DGKE: variants seen among roughly 807,000 people sequenced by gnomAD.
DGKE encodes the protein diacylglycerol kinase epsilon.
A neutral mutation model predicts 70.0 loss-of-function variants in DGKE; 53 were observed. The observed-to-expected ratio is 0.76, with a 90% CI of 0.61 to 0.95. The LOEUF is 0.95. Among genes scored for constraint, DGKE ranks in the 40% least tolerant of loss-of-function variants. The probability of loss-of-function intolerance (pLI) is 0.00; values close to 1 mark genes in which losing one functional copy is unlikely to be tolerated. For missense variants in DGKE, 655 were observed against 706.9 expected, an observed-to-expected ratio of 0.93 and a Z score of 0.83; for synonymous variants, 291 against 257.0, an observed-to-expected ratio of 1.13 and a Z score of -1.27.
chr17:56,848,003 G>T lies in DGKE; in HGVS notation c.826G>T (p.Val276Phe), dbSNP rs1312495887. ...CCCATATTATTCAGCTCGAGTACTT[G>T]TTTGTGGAGGGGATGGGACTGTAGG... ...LLPYYSARVL[V>F]CGGDGTVGWV... Residue 276 changes from valine to phenylalanine, a missense_variant, in exon 5 of 12, where the codon GTT becomes TTT. Val to Phe is a conservative substitution (Grantham distance 50). Coordinates refer to ENST00000284061, the MANE Select transcript of DGKE (RefSeq NM_003647.3). 1 of 1,610,006 alleles carries T rather than the reference G, an allele frequency of 6.2e-7. No individual in the cohort carries two copies. Among genetic ancestry groups the T allele is most frequent in the Admixed American group, 1.7e-5 (1 of 59,738 alleles).
At chr17:56,862,441 C>A in intron 11 of DGKE, 171 bp from the exon 12 acceptor site, 8 of 862,328 alleles carry the variant, frequency 9.3e-6, no homozygotes, top group Non-Finnish European at 1.2e-5. Flanking sequence ...TGAGATAAAA[C>A]GTTCACTTGA....
Position 56,869,050 on chromosome 17 carries a change from G to A in DGKE, c.*6259G>A, listed in dbSNP as rs975389264. On this transcript the variant is annotated 3_prime_UTR_variant, in exon 12 of 12. Transcript: ENST00000284061. ...CCTCTACTACTGTAACTTAACACTTGTTCTTCCTGAGCCTCAAATTTTCTT... is the reference window on the plus strand; with the variant it reads ...CCTCTACTACTGTAACTTAACACTTATTCTTCCTGAGCCTCAAATTTTCTT... 6.6e-6 allele frequency: 1 copy of A among 152,188 alleles called. No homozygotes were observed. Among genetic ancestry groups the A allele is most frequent in the Non-Finnish European group, 1.5e-5 (1 of 68,024 alleles). The allele number at this position is 152,188 out of a possible 1,614,324, so 9.4% of individuals were successfully genotyped here.
rs913423160 is a variant in DGKE, at chr17:56,868,480, T to A, written c.*5689T>A. 6.6e-6 allele frequency: 1 copy of A among 152,280 alleles called. No homozygotes were observed. The highest frequency in any genetic ancestry group is 1.5e-5 in the Non-Finnish European group (1 of 68,068). 9.4% of individuals were successfully genotyped at this position (152,280 alleles called of 1,614,324 possible). A position where few individuals can be genotyped will look rare whatever the true frequency, so the allele number is the denominator to read the frequency against. On this transcript the variant is annotated 3_prime_UTR_variant, in exon 12 of 12. Coordinates refer to ENST00000284061, the MANE Select transcript of DGKE (RefSeq NM_003647.3). ...TTGAGGACACATGTGATGACTCCACTTGCTCAGCCAGCTGGCCTCTTGCAC... is the reference window on the plus strand; with the variant it reads ...TTGAGGACACATGTGATGACTCCACATGCTCAGCCAGCTGGCCTCTTGCAC...
intron 7 of DGKE, among the ~76,000 whole-genome samples, chr17:56,852,392 G>A (rs566454538): frequency 2.1e-5 from 3 of 142,360 alleles, no homozygotes; most frequent in Admixed American, 7.4e-5. Flanking sequence ...TACCCTGGGC[G>A]ACAGAGCAAG....
Position 56,848,725 on chromosome 17 carries a change from A to G in DGKE, c.918A>G (p.Ala306=), listed in dbSNP as rs1259237321. 28 of 1,614,058 alleles carry G rather than the reference A, an allele frequency of 1.7e-5. No homozygotes were observed. Among genetic ancestry groups the G allele is most frequent in the African/African-American group, 2.7e-5 (2 of 74,938 alleles). The change falls in exon 6 of 12, where the codon GCA becomes GCG. Residue 306 remains alanine, a synonymous_variant. Coordinates refer to ENST00000284061, the MANE Select transcript of DGKE (RefSeq NM_003647.3). ...AAGAAAAGTACATTCCACAAGTTGCAGTTTTGCCTCTGGGAACAGGCAACG... is the reference window on the plus strand; with the variant it reads ...AAGAAAAGTACATTCCACAAGTTGCGGTTTTGCCTCTGGGAACAGGCAACG... The part of the protein sequence containing the change: ...KGQEKYIPQV[A]VLPLGTGNDL...
At chr17:56,853,172 C>T (rs1298269016) in intron 7 of DGKE, among the ~76,000 whole-genome samples, 2 of 152,100 alleles carry the variant, frequency 1.3e-5, no homozygotes, top group Non-Finnish European at 2.9e-5. Flanking sequence ...ACTTCAGTTC[C>T]TTCTACATTT....
At chr17:56,852,344 C>A (rs997721414) in intron 7 of DGKE, among the ~76,000 whole-genome samples, 7 of 150,582 alleles carry the variant, frequency 4.6e-5, no homozygotes, top group African/African-American at 1.7e-4. Flanking sequence ...ACCCGAGAGG[C>A]AGAGGGTGCA....
chr17:56,861,733 T>G, intron 9 of DGKE, 58 bp from the exon 10 acceptor site: 3 of 1,593,258 alleles, frequency 1.9e-6, no homozygotes, highest in Non-Finnish European at 2.6e-6. Context: ...GAATTCTAAA[T>G]GGATGTGTGT....
At chr17:56,843,957 T>G in intron 2 of DGKE, 62 bp from the exon 3 acceptor site, 5 of 1,434,440 alleles carry the variant, frequency 3.5e-6, no homozygotes, top group Non-Finnish European at 4.7e-6. Context: ...ATGATTGTTT[T>G]GTGGGTTATC....
At chr17:56,845,856 A>C (rs1036065153) in intron 4 of DGKE, 47 bp downstream of exon 4, 7 of 1,530,926 alleles carry the variant, frequency 4.6e-6, no homozygotes, top group Non-Finnish European at 5.3e-6. Flanking sequence ...CATTTTCCCC[A>C]AAATGCAATG....
rs562509013 is a variant in DGKE, at chr17:56,868,622, G to C, written c.*5831G>C. ...GCAGGCAGAAATGTGAAAGCATTTG[G>C]TATGTTGAAGATACTTGCTTCTTTT... On this transcript the variant is annotated 3_prime_UTR_variant, in exon 12 of 12. Transcript: ENST00000284061. The C allele has an allele frequency of 2.0e-5, 3 of 152,310 alleles. No individual in the cohort carries two copies. Among genetic ancestry groups the C allele is most frequent in the African/African-American group, 7.2e-5 (3 of 41,564 alleles). 9.4% of individuals were successfully genotyped at this position (152,310 alleles called of 1,614,324 possible).
chr17:56,836,121 ATGGG>A, intron 2 of DGKE: 1 of 152,306 alleles, frequency 6.6e-6, no homozygotes, highest in South Asian at 2.1e-4. Context: ...CTTCATTGTA[ATGGG>A]TTTTATTTCT....
intron 9 of DGKE, among the ~76,000 whole-genome samples, chr17:56,861,293 T>G (rs1453532621): frequency 1.3e-5 from 2 of 152,190 alleles, no homozygotes; most frequent in Admixed American, 6.5e-5. Flanking sequence ...TACTCTTTCC[T>G]GGTAAGTACA....
At chr17:56,856,772 A>T in intron 8 of DGKE, 147 bp downstream of exon 8, 2 of 1,050,422 alleles carry the variant, frequency 1.9e-6, no homozygotes, top group Non-Finnish European at 1.3e-6. Flanking sequence ...TTGTCAAATT[A>T]GATCTTTTTT....
chr17:56,858,836 TTC>T (rs1276798685), intron 9 of DGKE, among the ~76,000 whole-genome samples, 171 bp downstream of exon 9: 3 of 152,230 alleles, frequency 2.0e-5, no homozygotes. Context: ...TCCCTCTAAA[TTC>T]TCTCCACAAT....
At chr17:56,843,797 CAAA>C (rs368992473) in intron 2 of DGKE, among the ~76,000 whole-genome samples, 4 of 109,386 alleles carry the variant, frequency 3.7e-5, no homozygotes, top group Admixed American at 1.0e-4. Context: ...GACCCTGTCT[CAAA>C]AAAAAAAAAA....
intron 7 of DGKE, among the ~76,000 whole-genome samples, chr17:56,852,505 G>A (rs893072465): frequency 5.9e-5 from 9 of 152,108 alleles, no homozygotes; most frequent in Non-Finnish European, 7.4e-5. Flanking sequence ...AGCTCTGGGA[G>A]CAGGAATTAT....
intron 2 of DGKE, chr17:56,835,481 C>A: frequency 1.8e-6 from 1 of 561,944 alleles, no homozygotes; most frequent in South Asian, 2.5e-5. Flanking sequence ...CCAGCCTGCC[C>A]TTTTGGGTAA....
At position 56,848,769 on chromosome 17, in the gene DGKE, G is replaced by T. The variant is rs200528872; in HGVS notation, c.962G>T (p.Gly321Val). The change falls in exon 6 of 12, where the codon GGT becomes GTT. Residue 321 changes from glycine (G) to valine (V), a missense_variant. By Grantham distance (109) the Gly-to-Val change is moderately radical. Coordinates refer to ENST00000284061, the MANE Select transcript of DGKE (RefSeq NM_003647.3). ...GTGNDLSNTL[G>V]WGTGYAGEIP... ...GGCAACGATCTATCCAATACATTGGGTTGGGGTACAGGTTATGCTGGAGAA... is the reference window on the plus strand; with the variant it reads ...GGCAACGATCTATCCAATACATTGGTTTGGGGTACAGGTTATGCTGGAGAA... 3 of 1,614,038 alleles carry T rather than the reference G, an allele frequency of 1.9e-6. No homozygotes were observed. The highest frequency in any genetic ancestry group is 1.3e-5 in the African/African-American group (1 of 74,916).
Sources: gnomAD v4.1 joint callset for allele counts (sites outside exome capture counted in the v4.1 genomes callset) on GRCh38, gnomAD v4.1.1 for gene constraint, MANE v1.5 for transcripts, NCBI Gene and HGNC (gene_info 2026-07-23, HGNC 2026-07-21) for gene names.